Variants in TRIM23 observed in about 807,000 individuals in gnomAD.
The protein encoded by TRIM23 is tripartite motif containing 23.
A neutral mutation model predicts 71.0 loss-of-function variants in TRIM23; 27 were observed. The observed-to-expected ratio is 0.38, with a 90% confidence interval of 0.28 to 0.52. The LOEUF (loss-of-function observed/expected upper bound fraction) is 0.52. Ranked by LOEUF, TRIM23 falls within the 20% of genes least tolerant of loss-of-function variation. TRIM23 has a pLI of 0.84. For missense variants in TRIM23, 482 were observed against 692.3 expected, an observed-to-expected ratio of 0.70 and a Z score of 3.41; for synonymous variants, 234 against 238.0, an observed-to-expected ratio of 0.98 and a Z score of 0.16.
chr5:65,618,824 C>A (rs1023294402), intron 1 of TRIM23, among the ~76,000 whole-genome samples: 1 of 152,118 alleles, frequency 6.6e-6, no homozygotes, highest in Admixed American at 6.5e-5. Flanking sequence ...ATTTCAATTC[C>A]TGTTCTCTAT....
At chr5:65,622,849 A>G (rs1754981517) in intron 1 of TRIM23, among the ~76,000 whole-genome samples, 1 of 152,230 alleles carries the variant, frequency 6.6e-6, no homozygotes, top group South Asian at 2.1e-4. Context: ...TGTAAGGCAA[A>G]CAGGGTAACA....
At chr5:65,613,819 TA>T in intron 3 of TRIM23, 2 of 1,337,896 alleles carry the variant, frequency 1.5e-6, no homozygotes, top group Admixed American at 4.6e-5. Flanking sequence ...TACTATTCCA[TA>T]ATCTTCTTCC....
intron 2 of TRIM23, among the ~76,000 whole-genome samples, chr5:65,617,538 A>G (rs1754807486): frequency 6.6e-6 from 1 of 152,222 alleles, no homozygotes; most frequent in African/African-American, 2.4e-5. Context: ...GTATCTGAAA[A>G]TAACTTAGTT....
intron 1 of TRIM23, among the ~76,000 whole-genome samples, chr5:65,619,667 A>G (rs1467474317): frequency 6.6e-6 from 1 of 152,210 alleles, no homozygotes; most frequent in African/African-American, 2.4e-5. Flanking sequence ...TAGTCCTTCA[A>G]TGTAAATAAG....
intron 2 of TRIM23, among the ~76,000 whole-genome samples, chr5:65,617,510 C>T (rs553981430): frequency 3.9e-4 from 60 of 152,178 alleles, no homozygotes; most frequent in African/African-American, 9.9e-4. Flanking sequence ...TTAGTAAATG[C>T]TATTATTTCC....
At chr5:65,604,824 G>A (rs950696187) in intron 7 of TRIM23, 87 bp downstream of exon 7, 1 of 1,279,236 alleles carries the variant, frequency 7.8e-7, no homozygotes, top group Non-Finnish European at 1.0e-6. Context: ...GAATTTCATG[G>A]TTGTCTCTTT....
Position 65,590,730 on chromosome 5 carries a change from C to G in TRIM23, c.*1039G>C. ...TTTCCTCTAGAGTAACTTTTCAAGG[C>G]CTTCTCATGAACAGCCTTAAGTTTT... On this transcript the variant is annotated 3_prime_UTR_variant, in exon 11 of 11. Transcript: ENST00000231524. 2 of 985,252 alleles carry G rather than the reference C, an allele frequency of 2.0e-6. No individual in the cohort carries two copies. Among genetic ancestry groups the G allele is most frequent in the Non-Finnish European group, 2.4e-6 (2 of 829,984 alleles). The allele number at this position is 985,252 out of a possible 1,614,324, so 61.0% of individuals were successfully genotyped here.
In TRIM23 at chr5:65,590,357, A is replaced by G; in HGVS notation, c.*1412T>C. On this transcript the variant is annotated 3_prime_UTR_variant, in exon 11 of 11. Coordinates refer to ENST00000231524, the MANE Select transcript of TRIM23 (RefSeq NM_001656.4). ...TATTTATTTACATATTGCCCATAAT[A>G]CTGATAGGCTTTTTTTTTAATGCTT... The G allele has an allele frequency of 6.9e-7, 1 of 1,449,250 alleles. No homozygotes were observed. The highest frequency in any genetic ancestry group is 1.5e-5 in the South Asian group (1 of 68,680). The allele number at this position is 1,449,250 out of a possible 1,614,324, so 89.8% of individuals were successfully genotyped here. A position where few individuals can be genotyped will look rare whatever the true frequency, so the allele number is the denominator to read the frequency against.
chr5:65,611,880 C>A lies in TRIM23; in HGVS notation c.368G>T (p.Ser123Ile). Reference sequence around the variant, plus strand: ...TTCATCTTCATCACAACGAATGATGCTCTGATAAACAAAAAATTAATGCCT... The same window carrying A: ...TTCATCTTCATCACAACGAATGATGATCTGATAAACAAAAAATTAATGCCT... ...AEESIGISGE[S>I]IIRCDEDEAH... Residue 123 changes from serine to isoleucine, a missense_variant and splice_region_variant, in exon 4 of 11, where the codon AGC becomes ATC. Ser to Ile is a moderately radical substitution (Grantham distance 142). Transcript: ENST00000231524. 1.2e-6 allele frequency: 2 copies of A among 1,605,574 alleles called. No individual in the cohort carries two copies. The highest frequency in any genetic ancestry group is 2.2e-5 in the South Asian group (2 of 90,714).
intron 1 of TRIM23, 114 bp from the exon 2 acceptor site, chr5:65,618,369 C>A: frequency 8.7e-7 from 1 of 1,143,374 alleles, no homozygotes; most frequent in East Asian, 3.0e-5. Context: ...CTTTATTCCT[C>A]TATGAAAAAA....
chr5:65,613,082 A>G (rs1561749491), intron 3 of TRIM23, among the ~76,000 whole-genome samples: 1 of 152,206 alleles, frequency 6.6e-6, no homozygotes, highest in Non-Finnish European at 1.5e-5. Context: ...ATTCTTTATC[A>G]CATTAAATAA....
intron 6 of TRIM23, among the ~76,000 whole-genome samples, chr5:65,606,635 G>C (rs992084757): frequency 9.9e-5 from 15 of 152,148 alleles, no homozygotes; most frequent in Non-Finnish European, 2.2e-4. Context: ...CAGGCATGCT[G>C]CCCTAGGGTT....
chr5:65,618,054 C>A (rs1318762031), intron 2 of TRIM23, 39 bp downstream of exon 2: 1 of 1,526,490 alleles, frequency 6.6e-7, no homozygotes, highest in Non-Finnish European at 8.8e-7. Flanking sequence ...ATTACATGAA[C>A]AATTTTCAAT....
chr5:65,612,020 A>C (rs1190037869), intron 3 of TRIM23, 139 bp from the exon 4 acceptor site: 8 of 830,764 alleles, frequency 9.6e-6, no homozygotes, highest in Non-Finnish European at 1.3e-5. Flanking sequence ...TTAAGAACAA[A>C]GGTCATTCAA....
chr5:65,596,853 A>G lies in TRIM23; in HGVS notation c.1309+198T>C, dbSNP rs1418060509. Among the ~76,000 whole-genome samples the G allele has an allele frequency of 8.6e-5, 13 of 151,586 alleles. No individual in the cohort carries two copies. In the East Asian group the frequency reaches 2.3e-3, roughly 27 times the overall value. The stretch of plus-strand genomic sequence containing the variant: ...TATTCCTTCCAACTGTCCCACCAAT[A>G]CTCTGTTTCTTCTTTTTATCCCCAT... On this transcript the variant is annotated intron_variant, in intron 8 of 10. Coordinates refer to ENST00000231524, the MANE Select transcript of TRIM23 (RefSeq NM_001656.4).
chr5:65,623,108 C>G (rs970532472), intron 1 of TRIM23, among the ~76,000 whole-genome samples: 1 of 152,152 alleles, frequency 6.6e-6, no homozygotes, highest in Non-Finnish European at 1.5e-5. Flanking sequence ...TTCACTGATA[C>G]TAAATTGTGG....
In TRIM23 at chr5:65,609,390, CAG is replaced by C. The variant is rs772460777; in HGVS notation, c.895_896del (p.Leu299ValfsTer12). On this transcript the variant is annotated frameshift_variant, in exon 6 of 11. Transcript: ENST00000231524. LOFTEE classifies it high-confidence loss of function. ...RAYFYDLHET[L>X]CRQEEMALSV... ...TTAGAGCCATTTCTTCTTGACGACACAGAGTTTCATGTAGATCATAAAAATAA... is the reference window on the plus strand; with the variant it reads ...TTAGAGCCATTTCTTCTTGACGACACAGTTTCATGTAGATCATAAAAATAA... The C allele has an allele frequency of 5.0e-6, 8 of 1,614,002 alleles. No homozygotes were observed. The highest frequency in any genetic ancestry group is 2.2e-5 in the South Asian group (2 of 91,086).
rs1754023862 is a variant in TRIM23 at position 65,591,476 on chromosome 5, T to A, written c.*293A>T. 2 of 1,592,440 alleles carry A rather than the reference T, an allele frequency of 1.3e-6. No homozygotes were observed. The highest frequency in any genetic ancestry group is 2.3e-5 in the South Asian group (2 of 86,386). On this transcript the variant is annotated 3_prime_UTR_variant, in exon 11 of 11. Coordinates refer to ENST00000231524, the MANE Select transcript of TRIM23 (RefSeq NM_001656.4). ...TTCTCTGTGACTACCTCTTTCCCAG[T>A]ATATTGGTCACATATTATCTGAAAA...
At chr5:65,617,641 T>G (rs1255516785) in intron 2 of TRIM23, among the ~76,000 whole-genome samples, 1 of 151,876 alleles carries the variant, frequency 6.6e-6, no homozygotes, top group African/African-American at 2.4e-5. Flanking sequence ...AAATAAAGAG[T>G]AATTATCACA....
Sources: allele counts gnomAD v4.1 joint callset (sites outside exome capture counted in the v4.1 genomes callset), GRCh38; gene constraint gnomAD v4.1.1; transcripts MANE v1.5; gene names NCBI Gene and HGNC (gene_info 2026-07-23, HGNC 2026-07-21).